The following CDH13 variants were observed in gnomAD, a reference collection of about 807,000 sequenced individuals.
CDH13 encodes the protein cadherin-13.
A neutral mutation model predicts 63.8 loss-of-function variants in CDH13; 24 were observed. The observed-to-expected ratio is 0.38, with a 90% CI of 0.27 to 0.53. The LOEUF (loss-of-function observed/expected upper bound fraction) is 0.53. Ranked by LOEUF, CDH13 falls within the 20% of genes least tolerant of loss-of-function variation. The probability of loss-of-function intolerance (pLI) is 0.85; values close to 1 mark genes in which losing one functional copy is unlikely to be tolerated. For synonymous variants in CDH13, 503 were observed against 355.3 expected (o/e 1.42, Z -4.67); for missense variants, 1,049 against 903.1 (o/e 1.16, Z -2.07).
intron 10 of CDH13, among the ~76,000 whole-genome samples, chr16:83,682,694 CTCTG>C (rs1393735219): frequency 6.6e-6 from 1 of 152,152 alleles, no homozygotes; most frequent in East Asian, 1.9e-4. Flanking sequence ...CTCTCTGCTG[CTCTG>C]TCTCTTTTTC....
chr16:82,938,181 G>A (rs2042727573), intron 2 of CDH13, among the ~76,000 whole-genome samples: 2 of 152,198 alleles, frequency 1.3e-5, no homozygotes, highest in Admixed American at 1.3e-4. Flanking sequence ...GAGTTACACA[G>A]GCAATAGCTT....
intron 12 of CDH13, among the ~76,000 whole-genome samples, chr16:83,781,863 A>C (rs1272575312): frequency 6.6e-6 from 1 of 151,908 alleles, no homozygotes; most frequent in African/African-American, 2.4e-5. Context: ...GCAGCAAATC[A>C]CCATGGCACA....
At chr16:82,804,279 A>G (rs2037030198) in intron 1 of CDH13, among the ~76,000 whole-genome samples, 1 of 34,386 alleles carries the variant, frequency 2.9e-5, no homozygotes, top group Non-Finnish European at 7.4e-5. Context: ...ATCTTGCTAC[A>G]CACACACACA....
chr16:82,636,464 G>C (rs1908669113), intron 1 of CDH13, among the ~76,000 whole-genome samples: 1 of 152,170 alleles, frequency 6.6e-6, no homozygotes. Context: ...ACCAATCTCT[G>C]AGACTTTTCA....
At chr16:83,748,556 A>G (rs1252228125) in intron 11 of CDH13, among the ~76,000 whole-genome samples, 2 of 152,226 alleles carry the variant, frequency 1.3e-5, no homozygotes, top group African/African-American at 4.8e-5. Flanking sequence ...TCTTGGTGTC[A>G]TGCTCTCATT....
At chr16:82,732,250 T>C (rs2033441505) in intron 1 of CDH13, among the ~76,000 whole-genome samples, 1 of 152,194 alleles carries the variant, frequency 6.6e-6, no homozygotes, top group Non-Finnish European at 1.5e-5. Context: ...ATTATGTTTG[T>C]AGCTGAACTG....
intron 1 of CDH13, among the ~76,000 whole-genome samples, chr16:82,789,662 A>C (rs952411038): frequency 1.3e-5 from 2 of 152,158 alleles, no homozygotes; most frequent in African/African-American, 4.8e-5. Context: ...GTTTTGTTTT[A>C]ATCAAGGGAG....
At chr16:82,838,641 C>G (rs753032174) in intron 1 of CDH13, among the ~76,000 whole-genome samples, 1 of 152,120 alleles carries the variant, frequency 6.6e-6, no homozygotes, top group Non-Finnish European at 1.5e-5. Context: ...TGAAAAAAAC[C>G]TGGTTCACAG....
intron 1 of CDH13, among the ~76,000 whole-genome samples, chr16:82,752,744 T>C (rs1215070659): frequency 6.6e-6 from 1 of 152,154 alleles, no homozygotes; most frequent in African/African-American, 2.4e-5. Flanking sequence ...GTCATCTCTT[T>C]CCACTGTGAT....
intron 5 of CDH13, among the ~76,000 whole-genome samples, chr16:83,318,147 C>G (rs2090144715): frequency 1.3e-5 from 2 of 152,208 alleles, no homozygotes; most frequent in South Asian, 4.1e-4. Flanking sequence ...CTAAAACATA[C>G]TGAGCATTTA....
intron 11 of CDH13, among the ~76,000 whole-genome samples, chr16:83,776,609 G>A (rs1028426224): frequency 2.0e-5 from 3 of 152,148 alleles, no homozygotes; most frequent in African/African-American, 7.2e-5. Flanking sequence ...ACTTCTTCAT[G>A]ACTCACTGCT....
chr16:83,183,057 T>G (rs1273846987), intron 4 of CDH13, among the ~76,000 whole-genome samples: 1 of 152,184 alleles, frequency 6.6e-6, no homozygotes, highest in African/African-American at 2.4e-5. Flanking sequence ...TAGTTTGGAT[T>G]TTTCAGATAA....
chr16:83,159,739 A>G (rs2037365366), intron 4 of CDH13, among the ~76,000 whole-genome samples: 1 of 152,192 alleles, frequency 6.6e-6, no homozygotes. Context: ...CCTGTCAAGC[A>G]TATAAAACTG....
intron 2 of CDH13, among the ~76,000 whole-genome samples, chr16:83,007,878 C>G (rs1156599866): frequency 2.0e-5 from 3 of 151,456 alleles, no homozygotes; most frequent in Admixed American, 6.6e-5. Context: ...ATGCATGCAA[C>G]TTTTTCTTTC....
chr16:82,941,709 C>T (rs916907868), intron 2 of CDH13, among the ~76,000 whole-genome samples: 2 of 152,158 alleles, frequency 1.3e-5, no homozygotes, highest in Admixed American at 6.5e-5. Context: ...CTCTAACCAC[C>T]TCCGAGTTTT....
chr16:83,192,349 T>A (rs1026320724), intron 4 of CDH13, among the ~76,000 whole-genome samples: 1 of 152,174 alleles, frequency 6.6e-6, no homozygotes, highest in Non-Finnish European at 1.5e-5. Context: ...GAGCAGAGGG[T>A]AGATGCAGAA....
intron 1 of CDH13, among the ~76,000 whole-genome samples, chr16:82,684,569 A>G (rs1323948008): frequency 7.2e-5 from 11 of 152,024 alleles, no homozygotes; most frequent in Admixed American, 7.2e-4. Context: ...TGAAGTCAGG[A>G]TCTGGGGAGC....
At chr16:83,617,879 A>C in intron 8 of CDH13, among the ~76,000 whole-genome samples, 1 of 152,140 alleles carries the variant, frequency 6.6e-6, no homozygotes, top group East Asian at 1.9e-4. Context: ...CTGTTCTAAT[A>C]ATATATGACA....
At position 82,989,954 on chromosome 16, in the gene CDH13, T is replaced by A. The variant is rs552214551; in HGVS notation, c.158-42056T>A. ...TTCTCATCAGTCCCATTTTTTTTTTTACCAGCTCCCCTCAATAGCCATTTC... is the reference window on the plus strand; with the variant it reads ...TTCTCATCAGTCCCATTTTTTTTTTAACCAGCTCCCCTCAATAGCCATTTC... On this transcript the variant is annotated intron_variant, in intron 2 of 13. Coordinates refer to ENST00000567109, the MANE Select transcript of CDH13 (RefSeq NM_001257.5). Among the ~76,000 whole-genome samples the A allele has an allele frequency of 7.3e-5, 11 of 150,956 alleles. No individual in the cohort carries two copies. The East Asian group carries it at 1.8e-3, about 24-fold the overall frequency.
Sources: gnomAD v4.1 joint callset for allele counts (sites outside exome capture counted in the v4.1 genomes callset) on GRCh38, gnomAD v4.1.1 for gene constraint, MANE v1.5 for transcripts, NCBI Gene and HGNC (gene_info 2026-07-23, HGNC 2026-07-21) for gene names.